GPBP1: variants seen among roughly 807,000 people sequenced by gnomAD.
GPBP1 encodes the protein vasculin.
In GPBP1, 13 loss-of-function variants were observed where a neutral mutation model predicts 56.5. The observed-to-expected ratio is 0.23, with a 90% CI of 0.15 to 0.37. GPBP1 has a LOEUF of 0.37. GPBP1 is among the 10% of genes least tolerant of loss of function. The probability of loss-of-function intolerance (pLI) is 1.00; values close to 1 mark genes in which losing one functional copy is unlikely to be tolerated. For missense variants in GPBP1, 477 were observed against 572.3 expected (o/e 0.83, Z 1.70); for synonymous variants, 204 against 188.9 (o/e 1.08, Z -0.66).
chr5:57,245,049 A>G (rs1389627413), intron 6 of GPBP1, among the ~76,000 whole-genome samples: 1 of 151,992 alleles, frequency 6.6e-6, no homozygotes, highest in Middle Eastern at 3.2e-3. Flanking sequence ...TGAGATCTTT[A>G]TTCATTTTTG....
chr5:57,237,166 C>G (rs765589392), intron 6 of GPBP1: 1 of 1,545,254 alleles, frequency 6.5e-7, no homozygotes, highest in Non-Finnish European at 8.8e-7. Context: ...CCAAGCTCCT[C>G]TCTTAGGTAT....
At position 57,189,628 on chromosome 5, in the gene GPBP1, A is replaced by C. The variant is rs193119444; in HGVS notation, c.-58+13228A>C. Among the ~76,000 whole-genome samples, 34 of 152,270 alleles carry C rather than the reference A, an allele frequency of 2.2e-4. 1 individual carries two copies. Among genetic ancestry groups the C allele is most frequent in the Admixed American group, 7.9e-4 (12 of 15,286 alleles). On this transcript the variant is annotated intron_variant, in intron 2 of 11. Coordinates refer to ENST00000506184, the MANE Select transcript of GPBP1 (RefSeq NM_022913.4). Reference sequence around the variant, plus strand: ...CCTGTACCATTGTGTACTCTATTTCATTATTCACAGAGCAGTGATCCTTTA... The same window carrying C: ...CCTGTACCATTGTGTACTCTATTTCCTTATTCACAGAGCAGTGATCCTTTA...
At chr5:57,193,736 G>A (rs907214935) in intron 2 of GPBP1, among the ~76,000 whole-genome samples, 4 of 151,982 alleles carry the variant, frequency 2.6e-5, no homozygotes, top group African/African-American at 9.6e-5. Flanking sequence ...TGCTTGGGAT[G>A]ATTGGTCTTT....
At chr5:57,252,639 C>T (rs556602965) in intron 10 of GPBP1, among the ~76,000 whole-genome samples, 19 of 152,234 alleles carry the variant, frequency 1.2e-4, no homozygotes, top group African/African-American at 1.7e-4. Flanking sequence ...GCGATCCTCC[C>T]GTCTCGCCCT....
In GPBP1 at chr5:57,248,645, G is replaced by A. The variant is rs550322548; in HGVS notation, c.805-764G>A. 1.9e-3 allele frequency among the ~76,000 whole-genome samples: 295 copies of A among 151,806 alleles called. 1 individual carries two copies. Among genetic ancestry groups the A allele is most frequent in the Admixed American group, 1.8e-3 (27 of 15,240 alleles). The stretch of plus-strand genomic sequence containing the variant: ...GAGACGGGGTTTCACCGTTTTAGCC[G>A]GGATGGTCTCGATCTCCTGACCTCG... On this transcript the variant is annotated intron_variant, in intron 8 of 11. Coordinates refer to ENST00000506184, the MANE Select transcript of GPBP1 (RefSeq NM_022913.4).
chr5:57,175,171 T>A (rs1294958719), intron 1 of GPBP1, among the ~76,000 whole-genome samples: 2 of 152,216 alleles, frequency 1.3e-5, no homozygotes, highest in Non-Finnish European at 2.9e-5. Context: ...GCTTATATAA[T>A]TCCCCAGTAT....
At chr5:57,237,055 A>G in intron 6 of GPBP1, 2 of 1,212,142 alleles carry the variant, frequency 1.6e-6, no homozygotes, top group Non-Finnish European at 2.4e-6. Context: ...TGTTAGAACC[A>G]TGTGAATGGC....
intron 3 of GPBP1, among the ~76,000 whole-genome samples, chr5:57,225,912 T>C (rs1190672312): frequency 6.6e-6 from 1 of 152,250 alleles, no homozygotes; most frequent in Admixed American, 6.5e-5. Context: ...CATACAACCT[T>C]GTTTCGTTAT....
intron 2 of GPBP1, among the ~76,000 whole-genome samples, chr5:57,205,978 G>A (rs1755216025): frequency 1.3e-5 from 2 of 152,066 alleles, no homozygotes; most frequent in Non-Finnish European, 2.9e-5. Context: ...TGTTGCCCAG[G>A]TTAGTCTCAA....
Position 57,249,401 on chromosome 5 carries a change from C to T in GPBP1, c.805-8C>T. ...CATATTTATCAGTATTTCTGAATTT[C>T]CTCTTAGTGTAATCGCTCAAATTCC... On this transcript the variant is annotated splice_polypyrimidine_tract_variant and splice_region_variant and intron_variant, in intron 8 of 11. Transcript: ENST00000506184. 3.2e-6 allele frequency: 5 copies of T among 1,577,170 alleles called. No individual in the cohort carries two copies. The South Asian group carries it at 4.7e-5, about 15-fold the overall frequency.
chr5:57,233,699 C>T (rs916885113), intron 5 of GPBP1, among the ~76,000 whole-genome samples: 2 of 152,024 alleles, frequency 1.3e-5, no homozygotes, highest in African/African-American at 4.8e-5. Context: ...GTTGAGTTGA[C>T]TGAAGAGGAA....
At chr5:57,183,757 G>T (rs1308669103) in intron 2 of GPBP1, among the ~76,000 whole-genome samples, 2 of 148,348 alleles carry the variant, frequency 1.3e-5, no homozygotes, top group African/African-American at 4.9e-5. Context: ...AATACGGGGG[G>T]GATATGAATT....
intron 3 of GPBP1, among the ~76,000 whole-genome samples, chr5:57,221,128 C>T (rs1717202202): frequency 6.6e-6 from 1 of 152,000 alleles, no homozygotes; most frequent in Non-Finnish European, 1.5e-5. Flanking sequence ...GAACTTTAGC[C>T]CCATCATGTG....
At chr5:57,223,810 A>T (rs1308860679) in intron 3 of GPBP1, among the ~76,000 whole-genome samples, 3 of 149,254 alleles carry the variant, frequency 2.0e-5, no homozygotes, top group East Asian at 1.9e-4. Context: ...TTATAATTTT[A>T]AAAAATATAT....
rs1309817368 is a variant in GPBP1 at position 57,214,151 on chromosome 5, T to A, written c.21T>A (p.Ala7=). Residue 7 remains alanine, a synonymous_variant, in exon 3 of 12, where the codon GCT becomes GCA. Coordinates refer to ENST00000506184, the MANE Select transcript of GPBP1 (RefSeq NM_022913.4). Reference sequence around the variant, plus strand: ...CCTAAATGGCGCAGCATGACTTTGCTCCAGCCTGGCTTAATTTCCCTACTC... The same window carrying A: ...CCTAAATGGCGCAGCATGACTTTGCACCAGCCTGGCTTAATTTCCCTACTC... MAQHDF[A]PAWLNFPTPP... is the part of the protein sequence containing the mutation. 1 of 1,614,092 alleles carries A rather than the reference T, an allele frequency of 6.2e-7. No homozygotes were observed. The highest frequency in any genetic ancestry group is 2.2e-5 in the East Asian group (1 of 44,884).
At chr5:57,205,204 G>T (rs541273178) in intron 2 of GPBP1, among the ~76,000 whole-genome samples, 1 of 152,250 alleles carries the variant, frequency 6.6e-6, no homozygotes, top group South Asian at 2.1e-4. Flanking sequence ...GGCATACAAC[G>T]TGATCTTTTG....
At chr5:57,220,601 A>G (rs1755914432) in intron 3 of GPBP1, among the ~76,000 whole-genome samples, 1 of 151,852 alleles carries the variant, frequency 6.6e-6, no homozygotes, top group Non-Finnish European at 1.5e-5. Context: ...TTGGGATTAC[A>G]GGTTCCTGCT....
In GPBP1 at chr5:57,201,845, G is replaced by A. The variant is rs188126987; in HGVS notation, c.-57-12229G>A. ...CAGTAATTGCTGTGGGAAAGTTTGA[G>A]AGAGATACTGTAGTGAAAAAGTGGG... On this transcript the variant is annotated intron_variant, in intron 2 of 11. Transcript: ENST00000506184. Among the ~76,000 whole-genome samples the A allele has an allele frequency of 9.0e-4, 137 of 152,306 alleles. 2 individuals are homozygous for A. Among genetic ancestry groups the A allele is most frequent in the African/African-American group, 3.1e-3 (130 of 41,566 alleles).
Position 57,175,836 on chromosome 5 carries a change from C to T in GPBP1, c.-622C>T. ...ACTGAGTATTGCTGAAGTTTCATGG[C>T]AGTTTATTTTTACCTTTATTGAAAG... On this transcript the variant is annotated 5_prime_UTR_variant, in exon 2 of 12. Coordinates refer to ENST00000506184, the MANE Select transcript of GPBP1 (RefSeq NM_022913.4). 1.0e-5 allele frequency: 4 copies of T among 397,114 alleles called. No homozygotes were observed. The highest frequency in any genetic ancestry group is 1.8e-5 in the Non-Finnish European group (4 of 225,664). The allele number at this position is 397,114 out of a possible 1,614,324, so 24.6% of individuals were successfully genotyped here.
Sources: allele counts gnomAD v4.1 joint callset (sites outside exome capture counted in the v4.1 genomes callset), GRCh38; gene constraint gnomAD v4.1.1; transcripts MANE v1.5; gene names NCBI Gene and HGNC (gene_info 2026-07-23, HGNC 2026-07-21).